TRDN: variants seen among roughly 807,000 people sequenced by gnomAD.
TRDN encodes the protein triadin in skeletal muscle.
A neutral mutation model predicts 149.7 loss-of-function variants in TRDN; 161 were observed. The ratio of observed to expected loss-of-function variants is 1.08; its 90% CI spans 0.95 to 1.23. The LOEUF (loss-of-function observed/expected upper bound fraction) is 1.23. Among genes scored for constraint, TRDN ranks in the 50% most tolerant of loss-of-function variants. The probability of loss-of-function intolerance (pLI) is 0.00; values close to 1 mark genes in which losing one functional copy is unlikely to be tolerated. For missense variants in TRDN, 896 were observed against 823.5 expected, an observed-to-expected ratio of 1.09 and a Z score of -1.08; for synonymous variants, 294 against 250.5, an observed-to-expected ratio of 1.17 and a Z score of -1.64.
rs74387473 is a variant in TRDN, at chr6:123,317,902, CT to C, written c.1472-1408del. On this transcript the variant is annotated intron_variant, in intron 23 of 40. Transcript: ENST00000334268. ...TAGAAGAAGTTGATTCATCTTATGA[CT>C]CTGCAACTAGAGATAAAAATTCAAT... Among the ~76,000 whole-genome samples the C allele has an allele frequency of 3.0e-3, 462 of 152,066 alleles. 15 individuals carry two copies. The East Asian group carries it at 0.076, about 25-fold the overall frequency.
At chr6:123,546,727 G>A (rs1266566395) in intron 4 of TRDN, among the ~76,000 whole-genome samples, 5 of 151,746 alleles carry the variant, frequency 3.3e-5, no homozygotes, top group South Asian at 2.1e-4. Flanking sequence ...TAGGTTTATC[G>A]TTCTTATCAT....
intron 2 of TRDN, among the ~76,000 whole-genome samples, chr6:123,559,588 T>G (rs1358050903): frequency 6.6e-6 from 1 of 152,132 alleles, no homozygotes; most frequent in Non-Finnish European, 1.5e-5. Flanking sequence ...CATTAAAACC[T>G]AATCACCCTT....
chr6:123,292,091 C>T (rs773053779), intron 24 of TRDN, among the ~76,000 whole-genome samples: 1 of 152,206 alleles, frequency 6.6e-6, no homozygotes, highest in Non-Finnish European at 1.5e-5. Context: ...TGCTCAACTC[C>T]ATTCCCTTCG....
chr6:123,564,590 T>C (rs939368676), intron 2 of TRDN, among the ~76,000 whole-genome samples: 20 of 152,184 alleles, frequency 1.3e-4, no homozygotes, highest in African/African-American at 4.3e-4. Flanking sequence ...AGCAGATAAA[T>C]GGCACACCTC....
At chr6:123,331,833 C>A in intron 23 of TRDN, 46 bp downstream of exon 23, 1 of 1,314,516 alleles carries the variant, frequency 7.6e-7, no homozygotes, top group South Asian at 1.6e-5. Context: ...ACTGAATATG[C>A]AAAAGGCAGA....
chr6:123,494,428 G>A (rs1395295431), intron 9 of TRDN, among the ~76,000 whole-genome samples: 1 of 152,062 alleles, frequency 6.6e-6, no homozygotes, highest in Non-Finnish European at 1.5e-5. Context: ...CTTAGTGCAT[G>A]GTTCTCTGTG....
At chr6:123,238,972 C>G (rs1775888665) in intron 38 of TRDN, among the ~76,000 whole-genome samples, 1 of 152,134 alleles carries the variant, frequency 6.6e-6, no homozygotes, top group African/African-American at 2.4e-5. Context: ...TCCCAAGTAG[C>G]TGGAACTACA....
At chr6:123,359,840 C>G (rs1388418753) in intron 20 of TRDN, among the ~76,000 whole-genome samples, 1 of 151,918 alleles carries the variant, frequency 6.6e-6, no homozygotes, top group African/African-American at 2.4e-5. Context: ...GGATTACAGG[C>G]ACCTGCCACC....
At chr6:123,475,334 T>C (rs1308087452) in intron 9 of TRDN, among the ~76,000 whole-genome samples, 1 of 147,996 alleles carries the variant, frequency 6.8e-6, no homozygotes, top group East Asian at 2.0e-4. Context: ...CCTCAACACA[T>C]ACACTCTCCC....
intron 7 of TRDN, among the ~76,000 whole-genome samples, chr6:123,507,358 G>A (rs1778976965): frequency 6.6e-6 from 1 of 151,856 alleles, no homozygotes; most frequent in African/African-American, 2.4e-5. Flanking sequence ...TTTCTAAGAG[G>A]TAGAACCACA....
At chr6:123,352,450 G>C in intron 21 of TRDN, 89 bp downstream of exon 21, 2 of 1,559,626 alleles carry the variant, frequency 1.3e-6, no homozygotes, top group South Asian at 1.2e-5. Flanking sequence ...AAAGGTTATT[G>C]TCTTCCGCCT....
At chr6:123,397,359 C>T (rs1772776239) in intron 12 of TRDN, among the ~76,000 whole-genome samples, 1 of 152,110 alleles carries the variant, frequency 6.6e-6, no homozygotes, top group African/African-American at 2.4e-5. Context: ...CTCCACAGTA[C>T]AGATTTCCAT....
At chr6:123,595,626 G>A (rs1049945878) in intron 1 of TRDN, among the ~76,000 whole-genome samples, 2 of 152,134 alleles carry the variant, frequency 1.3e-5, no homozygotes, top group African/African-American at 4.8e-5. Flanking sequence ...CCCATAGCAT[G>A]TGCTTGCTTC....
rs1781228554 is a variant in TRDN, at chr6:123,548,508, T to C, written c.337A>G (p.Ile113Val). Residue 113 changes from isoleucine (I) to valine (V), a missense_variant, in exon 3 of 41, where the codon ATC becomes GTC. Ile to Val is a conservative substitution (Grantham distance 29, BLOSUM62 3). Transcript: ENST00000334268. ...TCTTCTTCATCTTCAGATGAGATGA[T>C]GTCAGATAACAAAGAAAAGAAGCCA... ...IYGFFSLLSD[I>V]ISSEDEEDDD... is the part of the protein sequence containing the mutation. The C allele has an allele frequency of 6.3e-7, 1 of 1,580,918 alleles. No individual in the cohort carries two copies. Among genetic ancestry groups the C allele is most frequent in the African/African-American group, 1.4e-5 (1 of 74,020 alleles).
chr6:123,634,214 G>T (rs1358777138), intron 1 of TRDN, among the ~76,000 whole-genome samples: 1 of 151,826 alleles, frequency 6.6e-6, no homozygotes, highest in Non-Finnish European at 1.5e-5. Context: ...GAGAATCTTG[G>T]CTTGAGGCCA....
intron 38 of TRDN, among the ~76,000 whole-genome samples, chr6:123,229,241 T>C (rs77617827): frequency 0.017 from 2,643 of 151,934 alleles, 69 homozygotes; most frequent in African/African-American, 0.06. Flanking sequence ...AAGGACTAGG[T>C]TTTGTATAAC....
At chr6:123,526,659 C>T (rs951532238) in intron 5 of TRDN, among the ~76,000 whole-genome samples, 1 of 151,980 alleles carries the variant, frequency 6.6e-6, no homozygotes, top group African/African-American at 2.4e-5. Context: ...AAATTATATA[C>T]AGTATTTCAT....
chr6:123,472,259 C>T (rs1003518063), intron 9 of TRDN, among the ~76,000 whole-genome samples: 1 of 152,168 alleles, frequency 6.6e-6, no homozygotes, highest in Non-Finnish European at 1.5e-5. Flanking sequence ...GGAGGCATTG[C>T]CTCAGTCGGG....
chr6:123,328,219 G>T (rs1237131277), intron 23 of TRDN, among the ~76,000 whole-genome samples: 9 of 152,134 alleles, frequency 5.9e-5, no homozygotes, highest in African/African-American at 2.2e-4. Flanking sequence ...AATCTTCCCT[G>T]GTGGCAAGGG....
Sources: gnomAD v4.1 joint callset for allele counts (sites outside exome capture counted in the v4.1 genomes callset) on GRCh38, gnomAD v4.1.1 for gene constraint, MANE v1.5 for transcripts, NCBI Gene and HGNC (gene_info 2026-07-23, HGNC 2026-07-21) for gene names.